ADORA2B: variants seen among roughly 807,000 people sequenced by gnomAD.
ADORA2B encodes the protein adenosine A2b receptor, also known as adenosine receptor A2b.
Under a neutral mutation model 20.8 loss-of-function variants are expected in ADORA2B, and 18 were observed. The observed-to-expected ratio is 0.87, with a 90% confidence interval of 0.60 to 1.29. The LOEUF is 1.29. Ranked by LOEUF, ADORA2B falls within the 50% of genes most tolerant of loss-of-function variation. The pLI, the probability that ADORA2B is intolerant of heterozygous loss-of-function variation, is 0.00. For synonymous variants in ADORA2B, 179 were observed against 178.3 expected, an observed-to-expected ratio of 1.00 and a Z score of -0.03; for missense variants, 441 against 422.7, an observed-to-expected ratio of 1.04 and a Z score of -0.38.
At chr17:15,973,596 T>G (rs933497040) in intron 1 of ADORA2B, among the ~76,000 whole-genome samples, 1 of 152,216 alleles carries the variant, frequency 6.6e-6, no homozygotes. Context: ...TCGATTCTCA[T>G]AGGAGCTAAC....
At chr17:15,891,708 G>A in the ADORA2B span, among the ~76,000 whole-genome samples, 1 of 151,802 alleles carries the variant, frequency 6.6e-6, no homozygotes, top group Non-Finnish European at 1.5e-5. Context: ...TCAAGATGGA[G>A]TCTCGCTTTG....
chr17:15,946,689 C>G (rs1969811054), intron 1 of ADORA2B, among the ~76,000 whole-genome samples: 1 of 152,176 alleles, frequency 6.6e-6, no homozygotes, highest in Admixed American at 6.5e-5. Context: ...TAACCTTCAT[C>G]TCGTAGAGGA....
the ADORA2B span, among the ~76,000 whole-genome samples, chr17:15,877,596 T>A: frequency 5.9e-5 from 9 of 152,116 alleles, no homozygotes; most frequent in African/African-American, 2.2e-4. Flanking sequence ...AGAATGACTA[T>A]CTCAGCCCTC....
At chr17:15,937,865 G>A in the ADORA2B span, among the ~76,000 whole-genome samples, 20 of 152,104 alleles carry the variant, frequency 1.3e-4, no homozygotes, top group Non-Finnish European at 2.5e-4. Context: ...GAGCGACCAT[G>A]CCTGGCCTGA....
At chr17:15,855,552 A>G in the ADORA2B span, among the ~76,000 whole-genome samples, 1 of 151,604 alleles carries the variant, frequency 6.6e-6, no homozygotes, top group Non-Finnish European at 1.5e-5. Flanking sequence ...CTTGAATAAT[A>G]TCACTCTCAC....
At position 15,948,398 on chromosome 17, in the gene ADORA2B, C is replaced by CGATGGGGG. The variant is rs1969842672; in HGVS notation, c.335+2816_335+2817insATGGGGGG. Among the ~76,000 whole-genome samples the CGATGGGGG allele has an allele frequency of 2.2e-4, 5 of 22,602 alleles. 1 individual carries two copies. Among genetic ancestry groups the CGATGGGGG allele is most frequent in the Non-Finnish European group, 1.7e-3 (5 of 2,966 alleles). The allele number at this position is 22,602 out of a possible 152,430, so 14.8% of individuals were successfully genotyped here. A position where few individuals can be genotyped will look rare whatever the true frequency, so the allele number is the denominator to read the frequency against. ...GACAATTCCTGATGTTGGGCCCTGGCGGCGGGGGGCTCCAGTCCCCAGTGG... is the reference window on the plus strand; with the variant it reads ...GACAATTCCTGATGTTGGGCCCTGGCGATGGGGGGGCGGGGGGCTCCAGTCCCCAGTGG... On this transcript the variant is annotated intron_variant, in intron 1 of 1. Coordinates refer to ENST00000304222, the MANE Select transcript of ADORA2B (RefSeq NM_000676.4).
At chr17:15,912,819 G>A in the ADORA2B span, among the ~76,000 whole-genome samples, 1 of 152,234 alleles carries the variant, frequency 6.6e-6, no homozygotes, top group African/African-American at 2.4e-5. Context: ...CCATTAGGGA[G>A]GTTCCCATCC....
At chr17:15,892,015 A>AT in the ADORA2B span, among the ~76,000 whole-genome samples, 6,332 of 133,942 alleles carry the variant, frequency 0.047, 435 homozygotes, top group African/African-American at 0.16. Context: ...TGCCCAGCTA[A>AT]TTTTTTTTTT....
At chr17:15,923,357 CTCTCTCTCTG>C in the ADORA2B span, among the ~76,000 whole-genome samples, 3 of 148,122 alleles carry the variant, frequency 2.0e-5, no homozygotes, top group Non-Finnish European at 4.5e-5. Flanking sequence ...GCCATTGCCT[CTCTCTCTCTG>C]TCTCTCTCTC....
At chr17:15,872,026 G>C in the ADORA2B span, among the ~76,000 whole-genome samples, 1 of 152,150 alleles carries the variant, frequency 6.6e-6, no homozygotes, top group Admixed American at 6.5e-5. Context: ...TGGGTGCAAA[G>C]GCTACATCTT....
the ADORA2B span, among the ~76,000 whole-genome samples, chr17:15,857,800 G>A: frequency 3.5e-4 from 54 of 152,178 alleles, no homozygotes; most frequent in South Asian, 5.6e-3. Flanking sequence ...TTATAGCAGT[G>A]TGAAGTGGAC....
At chr17:15,869,247 G>A in the ADORA2B span, among the ~76,000 whole-genome samples, 1 of 151,716 alleles carries the variant, frequency 6.6e-6, no homozygotes, top group African/African-American at 2.4e-5. Flanking sequence ...TCAAACTCAG[G>A]AGGCAGTGGT....
In ADORA2B at chr17:15,945,232, G is replaced by A. The variant is rs114576804; in HGVS notation, c.-17G>A. 6.5e-3 allele frequency: 9,073 copies of A among 1,393,508 alleles called. 527 individuals carry two copies. The African/African-American group carries it at 0.12, about 18-fold the overall frequency. 86.3% of individuals were successfully genotyped at this position (1,393,508 alleles called of 1,614,324 possible). On this transcript the variant is annotated 5_prime_UTR_variant, in exon 1 of 2. Transcript: ENST00000304222. ...GCGCCTTCGGTAGGGGGCGCCCGGG[G>A]CCCAGCTGGCCCGGCCATGCTGCTG...
chr17:15,898,768 G>A, the ADORA2B span, among the ~76,000 whole-genome samples: 8 of 152,238 alleles, frequency 5.3e-5, no homozygotes, highest in East Asian at 1.5e-3. Context: ...TCAGAGTCAA[G>A]GATTTTATTT....
rs550765812 is a variant in ADORA2B at position 15,945,143 on chromosome 17, G to A, written c.-106G>A. 6 of 1,007,396 alleles carry A rather than the reference G, an allele frequency of 6.0e-6. No homozygotes were observed. The South Asian group carries it at 2.0e-4, about 33-fold the overall frequency. 62.4% of individuals were successfully genotyped at this position (1,007,396 alleles called of 1,614,324 possible). A position where few individuals can be genotyped will look rare whatever the true frequency, so the allele number is the denominator to read the frequency against. On this transcript the variant is annotated 5_prime_UTR_variant, in exon 1 of 2. Coordinates refer to ENST00000304222, the MANE Select transcript of ADORA2B (RefSeq NM_000676.4). ...GCCCCGAGGCTCAGAAGCGGCAGGC[G>A]GAGGCGCGGTCCGGGCGCTATGGCC... is the stretch of plus-strand genomic sequence containing the variant.
the ADORA2B span, among the ~76,000 whole-genome samples, chr17:15,859,108 A>T: frequency 0.32 from 49,305 of 151,866 alleles, 8,624 homozygotes; most frequent in African/African-American, 0.45. Context: ...TGAACTACCA[A>T]GCTTGGCCAA....
At chr17:15,915,423 G>A in the ADORA2B span, among the ~76,000 whole-genome samples, 2 of 152,162 alleles carry the variant, frequency 1.3e-5, no homozygotes, top group East Asian at 3.8e-4. Flanking sequence ...CAGGTTCCAG[G>A]GACTCAGGAG....
chr17:15,945,411 G>T lies in ADORA2B; in HGVS notation c.163G>T (p.Ala55Ser). 2.5e-6 allele frequency: 4 copies of T among 1,613,528 alleles called. No homozygotes were observed. Among genetic ancestry groups the T allele is most frequent in the Non-Finnish European group, 3.4e-6 (4 of 1,179,972 alleles). ...FLVSLAAADVAVGLFAIPFAI... is the reference protein window; with the variant it reads ...FLVSLAAADVSVGLFAIPFAI... ...GGTGTCCCTGGCTGCGGCCGACGTG[G>T]CCGTGGGGCTCTTCGCCATCCCCTT... The change falls in exon 1 of 2, where the codon GCC becomes TCC. Residue 55 changes from alanine (A) to serine (S), a missense_variant. Transcript: ENST00000304222.
the ADORA2B span, among the ~76,000 whole-genome samples, chr17:15,909,687 T>C: frequency 6.6e-6 from 1 of 152,208 alleles, no homozygotes; most frequent in Non-Finnish European, 1.5e-5. Flanking sequence ...TTTGCAGGGT[T>C]CAGCAGGCTG....
Sources: gnomAD v4.1 joint callset for allele counts (sites outside exome capture counted in the v4.1 genomes callset) on GRCh38, gnomAD v4.1.1 for gene constraint, MANE v1.5 for transcripts, NCBI Gene and HGNC (gene_info 2026-07-23, HGNC 2026-07-21) for gene names.